Variants in KCNAB1 observed in about 807,000 individuals in gnomAD.
The protein encoded by KCNAB1 is potassium voltage-gated channel subfamily A regulatory beta subunit 1.
Under a neutral mutation model 64.6 loss-of-function variants are expected in KCNAB1, and 35 were observed. The ratio of observed to expected loss-of-function variants is 0.54; its 90% CI spans 0.41 to 0.72. The LOEUF (loss-of-function observed/expected upper bound fraction) is 0.72. Among genes scored for constraint, KCNAB1 ranks in the 30% least tolerant of loss-of-function variants. The pLI, the probability that KCNAB1 is intolerant of heterozygous loss-of-function variation, is 0.00. For missense variants in KCNAB1, 401 were observed against 512.9 expected, an observed-to-expected ratio of 0.78 and a Z score of 2.11; for synonymous variants, 177 against 183.8, an observed-to-expected ratio of 0.96 and a Z score of 0.30.
chr3:156,435,221 G>C (rs1051140302), intron 2 of KCNAB1, among the ~76,000 whole-genome samples: 1 of 152,226 alleles, frequency 6.6e-6, no homozygotes, highest in Non-Finnish European at 1.5e-5. Flanking sequence ...AAGAAGTAGA[G>C]AGGGTTATAG....
At chr3:156,419,531 A>G (rs1230771718) in intron 1 of KCNAB1, among the ~76,000 whole-genome samples, 1 of 151,880 alleles carries the variant, frequency 6.6e-6, no homozygotes, top group Non-Finnish European at 1.5e-5. Flanking sequence ...AAAAAGAAAG[A>G]AAAGAAAAAT....
At chr3:156,305,787 C>G (rs1576701704) in intron 1 of KCNAB1, among the ~76,000 whole-genome samples, 1 of 152,320 alleles carries the variant, frequency 6.6e-6, no homozygotes, top group East Asian at 1.9e-4. Flanking sequence ...ATTCATCCTA[C>G]TATTTAGACA....
In KCNAB1 at chr3:156,523,929, C is replaced by G; in HGVS notation, c.1063C>G (p.Leu355Val). The change falls in exon 12 of 14, where the codon CTA becomes GTA. Residue 355 changes from leucine to valine, a missense_variant. Transcript: ENST00000490337. ...SPIAERLGCT[L>V]PQLAVAWCLR... ...AATTGCGGAGCGTCTGGGATGCACACTACCTCAGCTAGCTGTTGGTAAGAA... is the reference window on the plus strand; with the variant it reads ...AATTGCGGAGCGTCTGGGATGCACAGTACCTCAGCTAGCTGTTGGTAAGAA... 1 of 1,613,858 alleles carries G rather than the reference C, an allele frequency of 6.2e-7. No individual in the cohort carries two copies. The highest frequency in any genetic ancestry group is 1.1e-5 in the South Asian group (1 of 90,982).
chr3:156,227,959 T>G (rs902919759), intron 1 of KCNAB1: 1 of 152,210 alleles, frequency 6.6e-6, no homozygotes, highest in African/African-American at 2.4e-5. Context: ...ATCTGCACAT[T>G]TAGCAGTGGA....
Position 156,177,517 on chromosome 3 carries a change from C to T in KCNAB1, c.275+56631C>T, listed in dbSNP as rs567271686. Among the ~76,000 whole-genome samples, 12 of 152,008 alleles carry T rather than the reference C, an allele frequency of 7.9e-5. 1 individual carries two copies. The highest frequency in any genetic ancestry group is 2.4e-4 in the African/African-American group (10 of 41,472). Reference sequence around the variant, plus strand: ...TCATACTCCGGAGTAGCTGGGACTACAAGCGCCCGCCACCCCGCCTGGCTA... The same window carrying T: ...TCATACTCCGGAGTAGCTGGGACTATAAGCGCCCGCCACCCCGCCTGGCTA... On this transcript the variant is annotated intron_variant, in intron 1 of 13. Transcript: ENST00000490337.
chr3:156,152,176 G>A (rs1715451961), intron 1 of KCNAB1, among the ~76,000 whole-genome samples: 1 of 152,190 alleles, frequency 6.6e-6, no homozygotes, highest in East Asian at 1.9e-4. Flanking sequence ...GACCTTATTA[G>A]CCTACATAAA....
intron 1 of KCNAB1, among the ~76,000 whole-genome samples, chr3:156,263,888 G>A (rs1294202417): frequency 6.6e-6 from 1 of 152,026 alleles, no homozygotes; most frequent in Admixed American, 6.6e-5. Flanking sequence ...GATAGGGAGG[G>A]CCAATTGCAT....
At chr3:156,127,887 GT>G (rs1713751684) in intron 1 of KCNAB1, among the ~76,000 whole-genome samples, 31 of 111,776 alleles carry the variant, frequency 2.8e-4, no homozygotes, top group African/African-American at 1.1e-3. Flanking sequence ...CATTTGGGGT[GT>G]GTGTGTGTGT....
chr3:156,200,123 C>T (rs1310630717), intron 1 of KCNAB1, among the ~76,000 whole-genome samples: 1 of 152,196 alleles, frequency 6.6e-6, no homozygotes, highest in Non-Finnish European at 1.5e-5. Context: ...CCACTCCAGA[C>T]CCTGTTTGCC....
Position 156,198,782 on chromosome 3 carries a change from C to A in KCNAB1, c.275+77896C>A, listed in dbSNP as rs142230477. On this transcript the variant is annotated intron_variant, in intron 1 of 13. Transcript: ENST00000490337. Reference sequence around the variant, plus strand: ...GCCAGTCTGTGTCTTTTAATTGGGGCCTTTAGCCTATTTACATTTAAGGTT... The same window carrying A: ...GCCAGTCTGTGTCTTTTAATTGGGGACTTTAGCCTATTTACATTTAAGGTT... Among the ~76,000 whole-genome samples, 16 of 151,482 alleles carry A rather than the reference C, an allele frequency of 1.1e-4. No individual in the cohort carries two copies. In the East Asian group the frequency reaches 2.9e-3, roughly 27 times the overall value.
At chr3:156,533,224 C>T (rs536433775) in intron 13 of KCNAB1, among the ~76,000 whole-genome samples, 1 of 152,136 alleles carries the variant, frequency 6.6e-6, no homozygotes, top group Admixed American at 6.5e-5. Flanking sequence ...ATGGGTGAGC[C>T]TACATTAAAT....
At chr3:156,358,692 G>A (rs1363827275) in intron 1 of KCNAB1, among the ~76,000 whole-genome samples, 1 of 151,950 alleles carries the variant, frequency 6.6e-6, no homozygotes, top group Non-Finnish European at 1.5e-5. Context: ...ATTGAAGGGA[G>A]AGCCTGAACT....
intron 1 of KCNAB1, among the ~76,000 whole-genome samples, chr3:156,221,623 C>A (rs1015472601): frequency 2.2e-4 from 34 of 152,058 alleles, no homozygotes; most frequent in African/African-American, 7.7e-4. Context: ...ACTAAAAATA[C>A]AAAAATTAGC....
Position 156,536,876 on chromosome 3 carries a change from A to ATTCT in KCNAB1, c.*132_*135dup. 1 of 673,692 alleles carries ATTCT rather than the reference A, an allele frequency of 1.5e-6. No homozygotes were observed. 41.7% of individuals were successfully genotyped at this position (673,692 alleles called of 1,614,324 possible). ...CTCAACCTCTAGTGTCCCTCCCTGGATTCTTTGAGGTGTCTGCTGTCGCTA... is the reference window on the plus strand; with the variant it reads ...CTCAACCTCTAGTGTCCCTCCCTGGATTCTTTCTTTGAGGTGTCTGCTGTCGCTA... On this transcript the variant is annotated 3_prime_UTR_variant, in exon 14 of 14. Coordinates refer to ENST00000490337, the MANE Select transcript of KCNAB1 (RefSeq NM_172160.3).
chr3:156,443,862 C>T (rs1717202263), intron 2 of KCNAB1, among the ~76,000 whole-genome samples: 1 of 151,968 alleles, frequency 6.6e-6, no homozygotes. Flanking sequence ...TGGCCTTTAC[C>T]ACTTCCTTAC....
intron 10 of KCNAB1, among the ~76,000 whole-genome samples, chr3:156,515,512 C>A (rs1167480920): frequency 6.6e-6 from 1 of 152,040 alleles, no homozygotes; most frequent in South Asian, 2.1e-4. Flanking sequence ...ATAAAAGGAA[C>A]AACCAATGAA....
chr3:156,349,042 A>G (rs554979116), intron 1 of KCNAB1, among the ~76,000 whole-genome samples: 1 of 152,368 alleles, frequency 6.6e-6, no homozygotes, highest in East Asian at 1.9e-4. Context: ...GTTTCGCAGC[A>G]GGAGCTACTG....
chr3:156,210,677 G>T (rs1223881030), intron 1 of KCNAB1, among the ~76,000 whole-genome samples: 1 of 152,188 alleles, frequency 6.6e-6, no homozygotes, highest in Non-Finnish European at 1.5e-5. Context: ...GGAGCAAGTG[G>T]CAGCACTGAC....
At position 156,459,882 on chromosome 3, in the gene KCNAB1, C is replaced by T. The variant is rs184995899; in HGVS notation, c.482+11C>T. On this transcript the variant is annotated intron_variant, in intron 5 of 13. Transcript: ENST00000490337. ...GAAGAAAGGCTGGAGGTATTGCATTCGCCATAATTATTTGTTTTTAAAAAG... is the reference window on the plus strand; with the variant it reads ...GAAGAAAGGCTGGAGGTATTGCATTTGCCATAATTATTTGTTTTTAAAAAG... The T allele has an allele frequency of 4.7e-5, 75 of 1,595,276 alleles. 2 individuals carry two copies. The highest frequency in any genetic ancestry group is 3.3e-4 in the Middle Eastern group (2 of 6,008).
Sources: allele counts gnomAD v4.1 joint callset (sites outside exome capture counted in the v4.1 genomes callset), GRCh38; gene constraint gnomAD v4.1.1; transcripts MANE v1.5; gene names NCBI Gene and HGNC (gene_info 2026-07-23, HGNC 2026-07-21).